FIGN: variants seen among roughly 807,000 people sequenced by gnomAD.
FIGN encodes the protein fidgetin, microtubule severing factor, also known as fidgetin.
A neutral mutation model predicts 51.3 loss-of-function variants in FIGN; 11 were observed. The ratio of observed to expected loss-of-function variants is 0.21; its 90% confidence interval spans 0.13 to 0.35. The LOEUF (loss-of-function observed/expected upper bound fraction) is 0.35. Ranked by LOEUF, FIGN falls within the 10% of genes least tolerant of loss-of-function variation. The pLI, the probability that FIGN is intolerant of heterozygous loss-of-function variation, is 1.00. For synonymous variants in FIGN, 407 were observed against 363.2 expected (o/e 1.12, Z -1.37); for missense variants, 857 against 943.6 (o/e 0.91, Z 1.20).
chr2:163,667,870 C>G (rs1331646314), intron 2 of FIGN, among the ~76,000 whole-genome samples: 1 of 152,208 alleles, frequency 6.6e-6, no homozygotes, highest in East Asian at 1.9e-4. Flanking sequence ...TTCATCATCT[C>G]TGCATCCCTA....
rs572602383 is a variant in FIGN at position 163,641,071 on chromosome 2, C to T, written c.26-29265G>A. Among the ~76,000 whole-genome samples the T allele has an allele frequency of 5.4e-4, 82 of 152,276 alleles. 1 individual carries two copies. Among genetic ancestry groups the T allele is most frequent in the East Asian group, 2.5e-3 (13 of 5,174 alleles). On this transcript the variant is annotated intron_variant, in intron 2 of 2. Transcript: ENST00000333129. ...CCAACTCTTAACATTAAACGTGCTA[C>T]GCTGGGCTTTACCCAGAGGGCTTCC...
At chr2:163,733,207 T>C (rs1448663309) in intron 2 of FIGN, among the ~76,000 whole-genome samples, 1 of 152,200 alleles carries the variant, frequency 6.6e-6, no homozygotes, top group African/African-American at 2.4e-5. Flanking sequence ...ATTATGTGAC[T>C]ATTATTTAAT....
At chr2:163,621,630 C>T (rs569352326) in intron 2 of FIGN, among the ~76,000 whole-genome samples, 75 of 152,266 alleles carry the variant, frequency 4.9e-4, no homozygotes, top group Middle Eastern at 6.8e-3. Flanking sequence ...ATTTTCCCCA[C>T]CCTGCCCCCT....
intron 2 of FIGN, among the ~76,000 whole-genome samples, chr2:163,668,276 G>C (rs1210162498): frequency 6.6e-6 from 1 of 152,046 alleles, no homozygotes; most frequent in Non-Finnish European, 1.5e-5. Context: ...AAAAAGAAGG[G>C]TCAAGCCCTG....
intron 2 of FIGN, among the ~76,000 whole-genome samples, chr2:163,627,839 T>G (rs1683080458): frequency 6.6e-6 from 1 of 152,174 alleles, no homozygotes; most frequent in African/African-American, 2.4e-5. Context: ...CTTCCACTGT[T>G]GAAGGCTTAC....
intron 2 of FIGN, among the ~76,000 whole-genome samples, chr2:163,630,234 A>C (rs758212381): frequency 6.6e-6 from 1 of 151,964 alleles, no homozygotes; most frequent in Non-Finnish European, 1.5e-5. Flanking sequence ...CTAAAGTGCT[A>C]GGATTTCAGG....
At chr2:163,675,857 T>C (rs1294737902) in intron 2 of FIGN, among the ~76,000 whole-genome samples, 1 of 149,022 alleles carries the variant, frequency 6.7e-6, no homozygotes, top group Non-Finnish European at 1.5e-5. Context: ...TATATAATTT[T>C]AAAATATTCA....
chr2:163,703,010 T>C (rs1335509548), intron 2 of FIGN, among the ~76,000 whole-genome samples: 2 of 151,828 alleles, frequency 1.3e-5, no homozygotes, highest in African/African-American at 2.4e-5. Flanking sequence ...CCGCAAAATC[T>C]GCTCAGGGTG....
At chr2:163,686,085 A>G (rs1196199018) in intron 2 of FIGN, among the ~76,000 whole-genome samples, 1 of 152,382 alleles carries the variant, frequency 6.6e-6, no homozygotes, top group Non-Finnish European at 1.5e-5. Context: ...GATTATTGAA[A>G]TAGTACAAAA....
At chr2:163,710,200 A>G (rs1684565861) in intron 2 of FIGN, among the ~76,000 whole-genome samples, 1 of 152,192 alleles carries the variant, frequency 6.6e-6, no homozygotes, top group Non-Finnish European at 1.5e-5. Context: ...AATTGTGTCA[A>G]TGAGCTACTT....
intron 2 of FIGN, among the ~76,000 whole-genome samples, chr2:163,666,570 C>T (rs890611586): frequency 2.0e-5 from 3 of 152,136 alleles, no homozygotes; most frequent in Non-Finnish European, 2.9e-5. Flanking sequence ...CCTCTATTTT[C>T]TCAACTGACA....
intron 2 of FIGN, among the ~76,000 whole-genome samples, chr2:163,641,310 T>C (rs773964063): frequency 6.6e-6 from 1 of 152,214 alleles, no homozygotes; most frequent in Non-Finnish European, 1.5e-5. Flanking sequence ...ATCATCATGA[T>C]TTTTGTATTT....
At chr2:163,682,209 G>A (rs972295044) in intron 2 of FIGN, among the ~76,000 whole-genome samples, 2 of 152,138 alleles carry the variant, frequency 1.3e-5, no homozygotes, top group Non-Finnish European at 1.5e-5. Context: ...TTATTCTAAT[G>A]GGAAAGGAAT....
intron 2 of FIGN, among the ~76,000 whole-genome samples, chr2:163,620,879 G>A (rs1341218368): frequency 1.3e-5 from 2 of 148,314 alleles, no homozygotes; most frequent in African/African-American, 5.0e-5. Flanking sequence ...GTGTGTGTGT[G>A]TTCCATTTCA....
rs1691099742 is a variant in FIGN, at chr2:163,605,868, A to G, written c.*3684T>C. 1 of 151,394 alleles carries G rather than the reference A, an allele frequency of 6.6e-6. No individual in the cohort carries two copies. Among genetic ancestry groups the G allele is most frequent in the South Asian group, 2.1e-4 (1 of 4,804 alleles). The allele number at this position is 151,394 out of a possible 1,614,324, so 9.4% of individuals were successfully genotyped here. On this transcript the variant is annotated 3_prime_UTR_variant, in exon 3 of 3. Transcript: ENST00000333129. The stretch of plus-strand genomic sequence containing the variant: ...CCAACCCACAAATATATTTAAATTT[A>G]CAAAGACCTATTATAGGAACTAATT...
chr2:163,624,691 C>CATATATAT (rs55969954), intron 2 of FIGN, among the ~76,000 whole-genome samples: 87 of 141,276 alleles, frequency 6.2e-4, no homozygotes, highest in African/African-American at 2.1e-3. Flanking sequence ...TATATACATA[C>CATATATAT]ATATATATAT....
At chr2:163,641,568 T>A (rs1451505327) in intron 2 of FIGN, among the ~76,000 whole-genome samples, 1 of 152,242 alleles carries the variant, frequency 6.6e-6, no homozygotes, top group East Asian at 1.9e-4. Flanking sequence ...CCACTTTGAC[T>A]GCCTTACACC....
chr2:163,660,820 C>G (rs375791742), intron 2 of FIGN, among the ~76,000 whole-genome samples: 5 of 40,452 alleles, frequency 1.2e-4, no homozygotes, highest in Non-Finnish European at 2.4e-4. Flanking sequence ...TATACATATA[C>G]ATATATATGT....
rs79636445 is a variant in FIGN at position 163,641,167 on chromosome 2, G to A, written c.26-29361C>T. Reference sequence around the variant, plus strand: ...TGTTAATAATGGAGAAGAGTAGGCCGCCATAGCTGCTTATGCAATGCATGT... The same window carrying A: ...TGTTAATAATGGAGAAGAGTAGGCCACCATAGCTGCTTATGCAATGCATGT... On this transcript the variant is annotated intron_variant, in intron 2 of 2. Transcript: ENST00000333129. 9.7e-3 allele frequency among the ~76,000 whole-genome samples: 1,479 copies of A among 152,258 alleles called. 26 individuals are homozygous for A. The highest frequency in any genetic ancestry group is 0.033 in the African/African-American group (1,376 of 41,536).
Sources: allele counts gnomAD v4.1 joint callset (sites outside exome capture counted in the v4.1 genomes callset), GRCh38; gene constraint gnomAD v4.1.1; transcripts MANE v1.5; gene names NCBI Gene and HGNC (gene_info 2026-07-23, HGNC 2026-07-21).